BBS9: variants seen among roughly 807,000 people sequenced by gnomAD.
BBS9 encodes the protein protein PTHB1.
BBS9 carries 89 observed loss-of-function variants against 117.7 expected under a neutral mutation model. The observed-to-expected ratio is 0.76, with a 90% confidence interval of 0.64 to 0.90. The LOEUF (loss-of-function observed/expected upper bound fraction) is 0.90, where lower values mean the gene tolerates loss of function less well. Ranked by LOEUF, BBS9 falls within the 40% of genes least tolerant of loss-of-function variation. BBS9 has a pLI of 0.00. For missense variants in BBS9, 982 were observed against 1,042.2 expected (o/e 0.94, Z 0.80); for synonymous variants, 379 against 370.9 (o/e 1.02, Z -0.25).
intron 19 of BBS9, among the ~76,000 whole-genome samples, chr7:33,403,711 A>C (rs1445838470): frequency 1.3e-5 from 2 of 151,870 alleles, no homozygotes; most frequent in Non-Finnish European, 2.9e-5. Context: ...AATCCAGTCT[A>C]TCATTGTTGG....
chr7:33,264,772 TATA>T (rs1240732745), intron 7 of BBS9, among the ~76,000 whole-genome samples: 1 of 152,206 alleles, frequency 6.6e-6, no homozygotes, highest in East Asian at 1.9e-4. Flanking sequence ...GCAATGGGAT[TATA>T]ATGTGTACTT....
chr7:33,412,597 G>A (rs973566156), intron 19 of BBS9, among the ~76,000 whole-genome samples: 5 of 152,150 alleles, frequency 3.3e-5, no homozygotes, highest in Non-Finnish European at 7.3e-5. Context: ...CTTTGACTGT[G>A]TTTTAACTAT....
intron 19 of BBS9, among the ~76,000 whole-genome samples, chr7:33,397,439 A>G (rs1173660917): frequency 6.6e-6 from 1 of 152,206 alleles, no homozygotes; most frequent in Admixed American, 6.5e-5. Flanking sequence ...AGGCAGAAAT[A>G]CCATTTGACC....
rs972907525 is a variant in BBS9 at position 33,192,209 on chromosome 7, C to G, written c.442+14618C>G. 4.6e-5 allele frequency among the ~76,000 whole-genome samples: 7 copies of G among 152,174 alleles called. No individual in the cohort carries two copies. In the South Asian group the frequency reaches 1.0e-3, roughly 23 times the overall value. The stretch of plus-strand genomic sequence containing the variant: ...TGACAATAAATGTTAAATGGAAAAG[C>G]CTTTACTTTATATGCATATATCTTG... On this transcript the variant is annotated intron_variant, in intron 5 of 22. Transcript: ENST00000242067.
rs147241614 is a variant in BBS9, at chr7:33,591,532, G to A, written c.2522-13333G>A. On this transcript the variant is annotated intron_variant, in intron 21 of 22. Coordinates refer to ENST00000242067, the MANE Select transcript of BBS9 (RefSeq NM_198428.3). ...TTTCCAGAAGGACTTGCCAACACCC[G>A]TAAAGTATTCACTGGGAGAATTAAA... Among the ~76,000 whole-genome samples the A allele has an allele frequency of 2.6e-5, 4 of 152,046 alleles. No individual in the cohort carries two copies. In the East Asian group the frequency reaches 7.7e-4, roughly 29 times the overall value.
intron 5 of BBS9, among the ~76,000 whole-genome samples, chr7:33,206,641 AG>A (rs1397631173): frequency 3.3e-5 from 5 of 152,138 alleles, no homozygotes; most frequent in Non-Finnish European, 7.4e-5. Context: ...GTATTTCTCA[AG>A]AATAGAAATA....
chr7:33,552,377 C>A (rs761866516), intron 21 of BBS9, among the ~76,000 whole-genome samples: 1 of 152,104 alleles, frequency 6.6e-6, no homozygotes, highest in Non-Finnish European at 1.5e-5. Context: ...AGTCAGCTCT[C>A]TACTCCTCCC....
At chr7:33,259,889 C>T (rs1229996136) in intron 6 of BBS9, among the ~76,000 whole-genome samples, 5 of 149,662 alleles carry the variant, frequency 3.3e-5, no homozygotes, top group African/African-American at 9.8e-5. Context: ...CTTGGATTTC[C>T]GTTTTTTTTT....
Position 33,482,678 on chromosome 7 carries a change from A to G in BBS9, c.2116-22785A>G, listed in dbSNP as rs1275470279. 3.3e-5 allele frequency among the ~76,000 whole-genome samples: 5 copies of G among 152,316 alleles called. No homozygotes were observed. The East Asian group carries it at 9.6e-4, about 29-fold the overall frequency. On this transcript the variant is annotated intron_variant, in intron 19 of 22. Transcript: ENST00000242067. ...CTCCTGAAACTATGTTAGAAACCAC[A>G]TATTTCCAGTTCAGTTGAAATTATA... is the stretch of plus-strand genomic sequence containing the variant.
intron 20 of BBS9, among the ~76,000 whole-genome samples, chr7:33,514,861 G>C (rs748690807): frequency 1.4e-4 from 21 of 152,076 alleles, no homozygotes; most frequent in Non-Finnish European, 2.9e-4. Context: ...TAATACAGTG[G>C]TGCTAAATGC....
chr7:33,349,062 C>T lies in BBS9; in HGVS notation c.1330-6C>T. On this transcript the variant is annotated splice_region_variant and splice_polypyrimidine_tract_variant and intron_variant, in intron 12 of 22. Coordinates refer to ENST00000242067, the MANE Select transcript of BBS9 (RefSeq NM_198428.3). ...TTTCTATTGATAACAATTTCTGTTT[C>T]CTTAGGTCACACTGCAGAACAGAGT... 6.3e-7 allele frequency: 1 copy of T among 1,577,236 alleles called. No individual in the cohort carries two copies. Among genetic ancestry groups the T allele is most frequent in the Non-Finnish European group, 8.7e-7 (1 of 1,147,054 alleles).
intron 20 of BBS9, among the ~76,000 whole-genome samples, chr7:33,514,090 TA>T (rs1470092684): frequency 6.6e-6 from 1 of 152,228 alleles, no homozygotes; most frequent in African/African-American, 2.4e-5. Flanking sequence ...TTGCAAAATA[TA>T]AACTGTGGCA....
At chr7:33,517,917 G>T (rs1009205293) in intron 20 of BBS9, among the ~76,000 whole-genome samples, 1 of 152,092 alleles carries the variant, frequency 6.6e-6, no homozygotes, top group African/African-American at 2.4e-5. Context: ...TTTATATTTT[G>T]TAGTTATATG....
chr7:33,281,302 A>AT (rs1205319029), intron 9 of BBS9, among the ~76,000 whole-genome samples: 3 of 88,712 alleles, frequency 3.4e-5, no homozygotes, highest in African/African-American at 8.9e-5. Context: ...TTGTTTGCTT[A>AT]TTTTTTCATT....
At chr7:33,498,482 C>T (rs1466189515) in intron 19 of BBS9, among the ~76,000 whole-genome samples, 1 of 152,094 alleles carries the variant, frequency 6.6e-6, no homozygotes, top group Non-Finnish European at 1.5e-5. Context: ...AGAAACCAAA[C>T]CCCCATTAGC....
intron 5 of BBS9, among the ~76,000 whole-genome samples, chr7:33,178,472 G>C (rs1383339602): frequency 1.3e-5 from 2 of 152,070 alleles, no homozygotes; most frequent in Non-Finnish European, 1.5e-5. Context: ...GGCATGGGAG[G>C]GCTCTTATTT....
chr7:33,477,703 C>T (rs528419906), intron 19 of BBS9, among the ~76,000 whole-genome samples: 18 of 152,142 alleles, frequency 1.2e-4, no homozygotes, highest in Non-Finnish European at 2.4e-4. Flanking sequence ...TGAAGCACCA[C>T]GATTAAGTAA....
chr7:33,557,147 T>G (rs753400393), intron 21 of BBS9, among the ~76,000 whole-genome samples: 1 of 152,286 alleles, frequency 6.6e-6, no homozygotes, highest in African/African-American at 2.4e-5. Flanking sequence ...TTTGAAGAAT[T>G]TATTAGTTCT....
At position 33,155,682 on chromosome 7, in the gene BBS9, T is replaced by A. The variant is rs1337475758; in HGVS notation, c.308T>A (p.Leu103His). The change falls in exon 4 of 23, where the codon CTT becomes CAT. Residue 103 changes from leucine to histidine, a missense_variant. Coordinates refer to ENST00000242067, the MANE Select transcript of BBS9 (RefSeq NM_198428.3). ...TTGGCTGTGTTACATTCTAGAAAACTTTGTGTCTACTCTGTCTCAGGTAAG... is the reference window on the plus strand; with the variant it reads ...TTGGCTGTGTTACATTCTAGAAAACATTGTGTCTACTCTGTCTCAGGTAAG... The part of the protein sequence containing the change: ...LHLAVLHSRK[L>H]CVYSVSGTLG... 6 of 1,546,786 alleles carry A rather than the reference T, an allele frequency of 3.9e-6. No individual in the cohort carries two copies. Among genetic ancestry groups the A allele is most frequent in the Non-Finnish European group, 4.4e-6 (5 of 1,134,624 alleles).
Sources: allele counts gnomAD v4.1 joint callset (sites outside exome capture counted in the v4.1 genomes callset), GRCh38; gene constraint gnomAD v4.1.1; transcripts MANE v1.5; gene names NCBI Gene and HGNC (gene_info 2026-07-23, HGNC 2026-07-21).